Variants in ZDHHC14 observed in about 807,000 individuals in gnomAD.
ZDHHC14 encodes the protein palmitoyltransferase ZDHHC14.
In ZDHHC14, 16 loss-of-function variants were observed where a neutral mutation model predicts 47.7. The observed-to-expected ratio is 0.34, with a 90% CI of 0.23 to 0.51. The LOEUF (loss-of-function observed/expected upper bound fraction) is 0.51, where lower values mean the gene tolerates loss of function less well. Among genes scored for constraint, ZDHHC14 ranks in the 20% least tolerant of loss-of-function variants. ZDHHC14 has a pLI of 0.97. For synonymous variants in ZDHHC14, 293 were observed against 278.9 expected, an observed-to-expected ratio of 1.05 and a Z score of -0.50; for missense variants, 515 against 662.5, an observed-to-expected ratio of 0.78 and a Z score of 2.44.
At chr6:157,568,834 T>C (rs1185089275) in intron 2 of ZDHHC14, among the ~76,000 whole-genome samples, 1 of 152,126 alleles carries the variant, frequency 6.6e-6, no homozygotes, top group Non-Finnish European at 1.5e-5. Flanking sequence ...TTGTTTGAAA[T>C]TGGGGGTTGG....
chr6:157,439,735 G>T (rs929760705), intron 1 of ZDHHC14, among the ~76,000 whole-genome samples: 1 of 152,154 alleles, frequency 6.6e-6, no homozygotes, highest in Non-Finnish European at 1.5e-5. Flanking sequence ...CACTATTCAC[G>T]ATAGCAAAGA....
At chr6:157,484,290 T>C (rs1230129840) in intron 1 of ZDHHC14, among the ~76,000 whole-genome samples, 2 of 94,470 alleles carry the variant, frequency 2.1e-5, no homozygotes, top group Non-Finnish European at 2.3e-5. Flanking sequence ...TATATATATA[T>C]GTGTATATAT....
chr6:157,531,974 G>A (rs1781384626), intron 1 of ZDHHC14, among the ~76,000 whole-genome samples: 1 of 152,276 alleles, frequency 6.6e-6, no homozygotes, highest in South Asian at 2.1e-4. Context: ...CCCTGGCAGA[G>A]GCCCCAGTCC....
At chr6:157,498,392 G>A (rs1250950672) in intron 1 of ZDHHC14, among the ~76,000 whole-genome samples, 3 of 152,062 alleles carry the variant, frequency 2.0e-5, no homozygotes, top group African/African-American at 7.2e-5. Flanking sequence ...TGTCCAGGAA[G>A]AATGAATAGG....
At chr6:157,611,189 A>G (rs1005825190) in intron 3 of ZDHHC14, among the ~76,000 whole-genome samples, 4 of 152,010 alleles carry the variant, frequency 2.6e-5, no homozygotes, top group Non-Finnish European at 5.9e-5. Flanking sequence ...TAGTAGAGAC[A>G]GGGTTTCACC....
In ZDHHC14 at chr6:157,675,370, C is replaced by G. The variant is rs1380943127; in HGVS notation, c.*2248C>G. On this transcript the variant is annotated 3_prime_UTR_variant, in exon 9 of 9. Coordinates refer to ENST00000359775, the MANE Select transcript of ZDHHC14 (RefSeq NM_024630.3). ...GAAGCCAGGATCACGACTCACTTGT[C>G]TTCACATAATGGATATTTACTTAAT... 6.6e-6 allele frequency: 1 copy of G among 152,232 alleles called. No individual in the cohort carries two copies. The highest frequency in any genetic ancestry group is 2.4e-5 in the African/African-American group (1 of 41,448). The allele number at this position is 152,232 out of a possible 1,614,324, so 9.4% of individuals were successfully genotyped here.
chr6:157,626,563 G>T (rs1187687950), intron 3 of ZDHHC14, among the ~76,000 whole-genome samples: 1 of 152,106 alleles, frequency 6.6e-6, no homozygotes, highest in Non-Finnish European at 1.5e-5. Flanking sequence ...GGCAGGTCCA[G>T]AGAGTTCCCA....
intron 1 of ZDHHC14, among the ~76,000 whole-genome samples, chr6:157,494,834 T>A (rs1390721955): frequency 6.6e-6 from 1 of 152,228 alleles, no homozygotes; most frequent in Non-Finnish European, 1.5e-5. Context: ...TTTCATATCC[T>A]GAATTCATAG....
intron 1 of ZDHHC14, among the ~76,000 whole-genome samples, chr6:157,456,831 C>T (rs1160741647): frequency 3.9e-5 from 6 of 152,038 alleles, no homozygotes; most frequent in Admixed American, 2.0e-4. Context: ...CATTAGTAAT[C>T]GCATTACATG....
chr6:157,496,897 T>C (rs1476977993), intron 1 of ZDHHC14, among the ~76,000 whole-genome samples: 1 of 152,224 alleles, frequency 6.6e-6, no homozygotes, highest in Non-Finnish European at 1.5e-5. Flanking sequence ...CATATGGCAT[T>C]TCCTCCACCA....
intron 1 of ZDHHC14, among the ~76,000 whole-genome samples, chr6:157,479,043 T>G (rs1779555942): frequency 6.6e-6 from 1 of 152,136 alleles, no homozygotes; most frequent in Admixed American, 6.5e-5. Context: ...TGGAGATCTC[T>G]CCTCCCTGTA....
chr6:157,503,839 G>A (rs9457625), intron 1 of ZDHHC14, among the ~76,000 whole-genome samples: 4,205 of 152,244 alleles, frequency 0.028, 244 homozygotes, highest in Admixed American at 0.15. Flanking sequence ...GCAATGATGC[G>A]TATGAGGAAA....
Position 157,541,910 on chromosome 6 carries a change from C to A in ZDHHC14, c.246-675C>A, listed in dbSNP as rs151303238. Among the ~76,000 whole-genome samples, 255 of 152,342 alleles carry A rather than the reference C, an allele frequency of 1.7e-3. 1 individual carries two copies. Among genetic ancestry groups the A allele is most frequent in the African/African-American group, 5.7e-3 (239 of 41,592 alleles). The stretch of plus-strand genomic sequence containing the variant: ...GTCGAGTTAAGAGTTGGGCCATGTT[C>A]ATCCATTGATAGCTCAGATGCCCTC... On this transcript the variant is annotated intron_variant, in intron 1 of 8. Coordinates refer to ENST00000359775, the MANE Select transcript of ZDHHC14 (RefSeq NM_024630.3).
At chr6:157,626,725 A>C (rs944738515) in intron 3 of ZDHHC14, among the ~76,000 whole-genome samples, 1 of 152,162 alleles carries the variant, frequency 6.6e-6, no homozygotes. Flanking sequence ...GGTGTGGTAC[A>C]TTCTGTGGCT....
chr6:157,616,967 C>T (rs1188546723), intron 3 of ZDHHC14, among the ~76,000 whole-genome samples: 1 of 152,134 alleles, frequency 6.6e-6, no homozygotes, highest in African/African-American at 2.4e-5. Flanking sequence ...ACCATCAGAG[C>T]AGGAATGCCC....
At chr6:157,578,296 G>A (rs1783383189) in intron 2 of ZDHHC14, among the ~76,000 whole-genome samples, 1 of 152,150 alleles carries the variant, frequency 6.6e-6, no homozygotes, top group East Asian at 1.9e-4. Context: ...CATTTCCTAA[G>A]TTATCTCCCA....
In ZDHHC14 at chr6:157,435,097, G is replaced by A. The variant is rs148262979; in HGVS notation, c.245+52831G>A. Among the ~76,000 whole-genome samples the A allele has an allele frequency of 4.3e-3, 654 of 152,322 alleles. 1 individual carries two copies. Among genetic ancestry groups the A allele is most frequent in the African/African-American group, 0.015 (632 of 41,570 alleles). On this transcript the variant is annotated intron_variant, in intron 1 of 8. Transcript: ENST00000359775. Reference sequence around the variant, plus strand: ...AATTGTTTTCACTCCGGAAGGAATCGCCATAGCAGTTCCTCGGGGGTTCTT... The same window carrying A: ...AATTGTTTTCACTCCGGAAGGAATCACCATAGCAGTTCCTCGGGGGTTCTT...
chr6:157,399,833 G>T (rs553614988), intron 1 of ZDHHC14, among the ~76,000 whole-genome samples: 1 of 152,350 alleles, frequency 6.6e-6, no homozygotes, highest in South Asian at 2.1e-4. Flanking sequence ...TGCAGGTGCA[G>T]GTCCAAGGTG....
At chr6:157,624,865 A>C (rs1317370234) in intron 3 of ZDHHC14, among the ~76,000 whole-genome samples, 2 of 152,208 alleles carry the variant, frequency 1.3e-5, no homozygotes, top group African/African-American at 4.8e-5. Context: ...AGTACCACAG[A>C]CCGGGTAACT....
Sources: gnomAD v4.1 joint callset for allele counts (sites outside exome capture counted in the v4.1 genomes callset) on GRCh38, gnomAD v4.1.1 for gene constraint, MANE v1.5 for transcripts, NCBI Gene and HGNC (gene_info 2026-07-23, HGNC 2026-07-21) for gene names.